Variants in TMEM240 observed in about 807,000 individuals in gnomAD.
The protein encoded by TMEM240 is transmembrane protein 240.
A neutral mutation model predicts 19.5 loss-of-function variants in TMEM240; 3 were observed. The ratio of observed to expected loss-of-function variants is 0.15; its 90% CI spans 0.07 to 0.40. The LOEUF is 0.40. Among genes scored for constraint, TMEM240 ranks in the 10% least tolerant of loss-of-function variants. TMEM240 has a pLI of 1.00. For synonymous variants in TMEM240, 123 were observed against 109.3 expected, an observed-to-expected ratio of 1.13 and a Z score of -0.78; for missense variants, 210 against 253.5, an observed-to-expected ratio of 0.83 and a Z score of 1.17.
chr1:1,540,294 A>G lies in TMEM240; in HGVS notation c.53T>C (p.Val18Ala). Residue 18 changes from valine (V) to alanine (A), a missense_variant, in exon 1 of 4, where the codon GTG becomes GCG. Physicochemically the swap from Val to Ala is moderately conservative, Grantham distance 64 (BLOSUM62 0). Coordinates refer to ENST00000378733, the MANE Select transcript of TMEM240 (RefSeq NM_001114748.2). Reference sequence around the variant, plus strand: ...GCGGGAAGCCCCTCCGCTCACCATCACGACCGACGCCCCCAGAATCATGAA... The same window carrying G: ...GCGGGAAGCCCCTCCGCTCACCATCGCGACCGACGCCCCCAGAATCATGAA... ...MIFMILGASV[V>A]MAIACLMDMN... is the part of the protein sequence containing the mutation. 7.5e-7 allele frequency: 1 copy of G among 1,339,974 alleles called. No homozygotes were observed. The highest frequency in any genetic ancestry group is 9.6e-7 in the Non-Finnish European group (1 of 1,037,612). 83.0% of individuals were successfully genotyped at this position (1,339,974 alleles called of 1,614,324 possible).
chr1:1,537,021 A>C (rs1642233430), intron 2 of TMEM240, among the ~76,000 whole-genome samples: 1 of 151,864 alleles, frequency 6.6e-6, no homozygotes, highest in African/African-American at 2.4e-5. Flanking sequence ...CCACACTGAA[A>C]GCCCAGCCTG....
intron 2 of TMEM240, 130 bp downstream of exon 2, chr1:1,539,554 C>T: frequency 2.6e-6 from 2 of 763,028 alleles, no homozygotes; most frequent in Non-Finnish European, 4.3e-6. Context: ...CCTCCCCCTG[C>T]GCACCTGGCA....
chr1:1,539,637 C>T (rs1258857407), intron 2 of TMEM240, 47 bp downstream of exon 2: 14 of 1,509,306 alleles, frequency 9.3e-6, no homozygotes. Context: ...GGCCCCGCCA[C>T]ACATGTGCGC....
chr1:1,540,170 G>C (rs1221637825), intron 1 of TMEM240, 120 bp downstream of exon 1: 29 of 378,558 alleles, frequency 7.7e-5, no homozygotes, highest in African/African-American at 5.6e-4. Flanking sequence ...CCGGGGAGGG[G>C]AGCGCAGGCC....
At position 1,535,698 on chromosome 1, in the gene TMEM240, G is replaced by C; in HGVS notation, c.264C>G (p.Ile88Met). Residue 88 changes from isoleucine to methionine, a missense_variant, in exon 3 of 4, where the codon ATC (isoleucine) becomes ATG (methionine). Transcript: ENST00000378733. This position sits in a 1 kb window ranked among gnomAD's most constrained non-coding sequence, Gnocchi z 8.2. ...FVTDSVTKQEIDLMLGLLLGF... is the reference protein window; with the variant it reads ...FVTDSVTKQEMDLMLGLLLGF... ...CCAGCAGCAGCCCCAGCATGAGGTC[G>C]ATCTCCTGCTTGGTCACACTGTCCG... is the stretch of plus-strand genomic sequence containing the variant. The C allele has an allele frequency of 6.4e-7, 1 of 1,550,410 alleles. No individual in the cohort carries two copies. Among genetic ancestry groups the C allele is most frequent in the Non-Finnish European group, 8.7e-7 (1 of 1,146,752 alleles).
In TMEM240 at chr1:1,540,307, C is replaced by A; in HGVS notation, c.40G>T (p.Gly14Trp). The A allele has an allele frequency of 7.4e-7, 1 of 1,342,454 alleles. No homozygotes were observed. Among genetic ancestry groups the A allele is most frequent in the Admixed American group, 3.3e-5 (1 of 30,726 alleles). 83.2% of individuals were successfully genotyped at this position (1,342,454 alleles called of 1,614,324 possible). Residue 14 changes from glycine (G) to tryptophan (W), a missense_variant, in exon 1 of 4, where the codon GGG (glycine) becomes TGG (tryptophan). Around this residue, in one of 3 missense-constraint regions of TMEM240, gnomAD observed 30 missense variants for 27.7 expected, o/e 1.08. Coordinates refer to ENST00000378733, the MANE Select transcript of TMEM240 (RefSeq NM_001114748.2). ...CCGCTCACCATCACGACCGACGCCC[C>A]CAGAATCATGAAGATCATGGTGTTC... ...SANTMIFMIL[G>W]ASVVMAIACL...
In TMEM240 at chr1:1,538,097, GC is replaced by G. The variant is rs1388003486; in HGVS notation, c.164+1586del. 3.9e-5 allele frequency among the ~76,000 whole-genome samples: 6 copies of G among 152,224 alleles called. No homozygotes were observed. The East Asian group carries it at 1.2e-3, about 29-fold the overall frequency. ...AAGACTGCTGTCTGCACACACACTG[GC>G]TGCAGCTACACGGAGACATCTTGAC... On this transcript the variant is annotated intron_variant, in intron 2 of 3. Coordinates refer to ENST00000378733, the MANE Select transcript of TMEM240 (RefSeq NM_001114748.2).
At chr1:1,537,867 A>G (rs1642247016) in intron 2 of TMEM240, among the ~76,000 whole-genome samples, 1 of 152,238 alleles carries the variant, frequency 6.6e-6, no homozygotes, top group African/African-American at 2.4e-5. Flanking sequence ...CGTCACGTGC[A>G]TGGACGGATG....
intron 1 of TMEM240, among the ~76,000 whole-genome samples, 187 bp from the exon 2 acceptor site, chr1:1,539,977 C>A (rs1304894894): frequency 1.4e-5 from 1 of 74,010 alleles, no homozygotes; most frequent in Non-Finnish European, 2.5e-5. Context: ...GGGAGGGGAG[C>A]GCAGGCCGGG....
rs1157084752 is a variant in TMEM240 at position 1,536,508 on chromosome 1, C to G, written c.165-711G>C. On this transcript the variant is annotated intron_variant, in intron 2 of 3. Transcript: ENST00000378733. The surrounding 1 kb of genome is among the most constrained non-coding windows in gnomAD (Gnocchi z 5.4). Reference sequence around the variant, plus strand: ...TGGACGGCGTCCAGGCTCCAGGGCCCTTTCGTCCTCAGTGCCTGCGCGCCT... The same window carrying G: ...TGGACGGCGTCCAGGCTCCAGGGCCGTTTCGTCCTCAGTGCCTGCGCGCCT... Among the ~76,000 whole-genome samples the G allele has an allele frequency of 6.6e-6, 1 of 152,218 alleles. No homozygotes were observed. The highest frequency in any genetic ancestry group is 6.5e-5 in the Admixed American group (1 of 15,294).
rs758588144 is a variant in TMEM240, at chr1:1,535,352, G to A, written c.*7C>T. On this transcript the variant is annotated 3_prime_UTR_variant, in exon 4 of 4. Coordinates refer to ENST00000378733, the MANE Select transcript of TMEM240 (RefSeq NM_001114748.2). This position sits in a 1 kb window ranked among gnomAD's most constrained non-coding sequence, Gnocchi z 8.2. The stretch of plus-strand genomic sequence containing the variant: ...GGCTCGGTGGCCCCGGTAAGTCCCC[G>A]TGCGGCTCACAGGTGCCGCGGGCTG... The A allele has an allele frequency of 4.6e-5, 71 of 1,548,346 alleles. No individual in the cohort carries two copies. The highest frequency in any genetic ancestry group is 8.4e-5 in the South Asian group (7 of 83,816).
At chr1:1,538,899 G>T (rs1045904381) in intron 2 of TMEM240, among the ~76,000 whole-genome samples, 2 of 152,198 alleles carry the variant, frequency 1.3e-5, no homozygotes, top group African/African-American at 2.4e-5. Flanking sequence ...CCTTGGAAAA[G>T]CCTGTCCTCT....
rs937495429 is a variant in TMEM240 at position 1,534,999 on chromosome 1, CAG to C, written c.*358_*359del. On this transcript the variant is annotated 3_prime_UTR_variant, in exon 4 of 4. Coordinates refer to ENST00000378733, the MANE Select transcript of TMEM240 (RefSeq NM_001114748.2). Reference sequence around the variant, plus strand: ...GCGCACGGGAAACAGCGCCTTCAAACAGATGCTGGCCCGGGCCGCGCGCCTCG... The same window carrying C: ...GCGCACGGGAAACAGCGCCTTCAAACATGCTGGCCCGGGCCGCGCGCCTCG... Among the ~76,000 whole-genome samples, 4 of 149,696 alleles carry C rather than the reference CAG, an allele frequency of 2.7e-5. No individual in the cohort carries two copies. Among genetic ancestry groups the C allele is most frequent in the East Asian group, 2.0e-4 (1 of 5,052 alleles).
chr1:1,538,089 A>G (rs1642249598), intron 2 of TMEM240, among the ~76,000 whole-genome samples: 1 of 152,264 alleles, frequency 6.6e-6, no homozygotes, highest in African/African-American at 2.4e-5. Flanking sequence ...CTGTCTGCAC[A>G]CACACTGGCT....
rs923224386 is a variant in TMEM240, at chr1:1,535,482, C to T, written c.399G>A (p.Lys133=). Residue 133 remains lysine (K), a synonymous_variant, in exon 4 of 4, where the codon AAG becomes AAA. Coordinates refer to ENST00000378733, the MANE Select transcript of TMEM240 (RefSeq NM_001114748.2). This position sits in a 1 kb window ranked among gnomAD's most constrained non-coding sequence, Gnocchi z 8.2. Reference sequence around the variant, plus strand: ...GGCCCAGCTCCCGCAGGCTGCACAGCTTGGGCAGCCAGGTCCACGAGCCAT... The same window carrying T: ...GGCCCAGCTCCCGCAGGCTGCACAGTTTGGGCAGCCAGGTCCACGAGCCAT... ...RYDGSWTWLP[K]LCSLRELGRR... The T allele has an allele frequency of 1.3e-6, 2 of 1,548,112 alleles. No individual in the cohort carries two copies. The highest frequency in any genetic ancestry group is 1.7e-6 in the Non-Finnish European group (2 of 1,145,788).
At chr1:1,538,093 A>T (rs1416376893) in intron 2 of TMEM240, among the ~76,000 whole-genome samples, 1 of 152,208 alleles carries the variant, frequency 6.6e-6, no homozygotes, top group Non-Finnish European at 1.5e-5. Context: ...CTGCACACAC[A>T]CTGGCTGCAG....
chr1:1,535,801 G>T lies in TMEM240; in HGVS notation c.165-4C>A, dbSNP rs1477209543. On this transcript the variant is annotated splice_polypyrimidine_tract_variant and splice_region_variant and intron_variant, in intron 2 of 3. Transcript: ENST00000378733. The surrounding 1 kb of genome is among the most constrained non-coding windows in gnomAD (Gnocchi z 8.2). ...GATCACGTAGTGGATATGGTGCCTG[G>T]GGGCGGCAGGGCGGGCTGGCACCTC... The T allele has an allele frequency of 2.6e-6, 4 of 1,549,296 alleles. No individual in the cohort carries two copies. Among genetic ancestry groups the T allele is most frequent in the Non-Finnish European group, 3.5e-6 (4 of 1,146,342 alleles).
intron 1 of TMEM240, 37 bp from the exon 2 acceptor site, chr1:1,539,827 G>A (rs771018228): frequency 6.5e-7 from 1 of 1,532,312 alleles, no homozygotes; most frequent in South Asian, 1.2e-5. Context: ...CCAAGGAGCG[G>A]GCGGGACGAA....
intron 1 of TMEM240, 78 bp from the exon 2 acceptor site, chr1:1,539,868 G>A (rs916591080): frequency 5.4e-6 from 7 of 1,296,296 alleles, no homozygotes; most frequent in African/African-American, 1.5e-5. Context: ...CGCAGGCCGG[G>A]GTCGGGGCAG....
Sources: allele counts gnomAD v4.1 joint callset (sites outside exome capture counted in the v4.1 genomes callset), GRCh38; gene constraint gnomAD v4.1.1; regional missense constraint gnomAD v4.1.1; non-coding constraint Gnocchi (gnomAD v3.1); transcripts MANE v1.5; gene names NCBI Gene and HGNC (gene_info 2026-07-23, HGNC 2026-07-21).